CPS1: variants seen among roughly 807,000 people sequenced by gnomAD.
CPS1 encodes carbamoyl-phosphate synthase 1.
Under a neutral mutation model 174.6 loss-of-function variants are expected in CPS1, and 109 were observed. The ratio of observed to expected loss-of-function variants is 0.62; its 90% confidence interval spans 0.53 to 0.73. The LOEUF (loss-of-function observed/expected upper bound fraction) is 0.73, where lower values mean the gene tolerates loss of function less well. Among genes scored for constraint, CPS1 ranks in the 30% least tolerant of loss-of-function variants. The probability of loss-of-function intolerance (pLI) is 0.00; values close to 1 mark genes in which losing one functional copy is unlikely to be tolerated. For synonymous variants in CPS1, 637 were observed against 632.0 expected (o/e 1.01, Z -0.12); for missense variants, 1,689 against 1,821.9 (o/e 0.93, Z 1.33).
chr2:210,592,722 G>A (rs1034390907), intron 10 of CPS1, among the ~76,000 whole-genome samples, 157 bp from the exon 11 acceptor site: 3 of 151,768 alleles, frequency 2.0e-5, no homozygotes, highest in East Asian at 2.0e-4. Flanking sequence ...TTAAGATATC[G>A]GACCATGTTA....
upstream of CPS1, chr2:210,555,581 C>T: frequency 4.4e-6 from 2 of 454,806 alleles, no homozygotes; most frequent in Non-Finnish European, 8.8e-6. Flanking sequence ...AACTCTAGCA[C>T]TGATTCTATG....
chr2:210,669,327 G>A (rs1439069629), intron 34 of CPS1, among the ~76,000 whole-genome samples: 1 of 152,004 alleles, frequency 6.6e-6, no homozygotes, highest in Non-Finnish European at 1.5e-5. Flanking sequence ...CTTCCCAACT[G>A]GTCATTCATT....
Position 210,556,655 on chromosome 2 carries a change from T to G in CPS1, c.-79T>G. 1.3e-6 allele frequency: 2 copies of G among 1,592,518 alleles called. No individual in the cohort carries two copies. Among genetic ancestry groups the G allele is most frequent in the Non-Finnish European group, 1.7e-6 (2 of 1,168,934 alleles). ...GACTGCACCCCTCCCAGATTTCTTT[T>G]ACATTAACTAAAAAGTCTTATCACA... On this transcript the variant is annotated 5_prime_UTR_variant, in exon 1 of 38. Transcript: ENST00000233072.
intron 6 of CPS1, among the ~76,000 whole-genome samples, chr2:210,585,117 T>C (rs964242281): frequency 5.9e-5 from 9 of 152,044 alleles, no homozygotes; most frequent in African/African-American, 2.2e-4. Context: ...ATTGTCTCTT[T>C]CACTTGTCTT....
At chr2:210,549,963 A>AT (rs1384305074) in intron 1 of CPS1, among the ~76,000 whole-genome samples, 2 of 152,050 alleles carry the variant, frequency 1.3e-5, no homozygotes, top group African/African-American at 4.8e-5. Context: ...TCTGGAATAC[A>AT]TAACTTCAAG....
At chr2:210,498,676 T>G (rs1695066582) in intron 1 of CPS1, among the ~76,000 whole-genome samples, 1 of 152,164 alleles carries the variant, frequency 6.6e-6, no homozygotes, top group African/African-American at 2.4e-5. Context: ...GAGATCTATC[T>G]AGGCATGGAG....
intron 1 of CPS1, among the ~76,000 whole-genome samples, chr2:210,506,677 C>A (rs1029430457): frequency 6.6e-6 from 1 of 152,110 alleles, no homozygotes; most frequent in Non-Finnish European, 1.5e-5. Context: ...CAAAGAAGTC[C>A]TTAAAGGACC....
chr2:210,518,008 G>A (rs577935292), intron 1 of CPS1, among the ~76,000 whole-genome samples: 1 of 151,936 alleles, frequency 6.6e-6, no homozygotes, highest in Non-Finnish European at 1.5e-5. Context: ...AAACTGATTA[G>A]TAGCAGTAGA....
At chr2:210,668,163 A>T in intron 33 of CPS1, 23 bp from the exon 34 acceptor site, 1 of 1,579,758 alleles carries the variant, frequency 6.3e-7, no homozygotes, top group Non-Finnish European at 8.7e-7. Flanking sequence ...CTCTATTTTA[A>T]TTTTTTATTT....
chr2:210,526,991 A>AG (rs1695989755), intron 1 of CPS1, among the ~76,000 whole-genome samples: 1 of 151,950 alleles, frequency 6.6e-6, no homozygotes, highest in South Asian at 2.1e-4. Flanking sequence ...TTGGTGCAAA[A>AG]ATAATTGTTT....
At chr2:210,631,082 C>G (rs557810208) in intron 21 of CPS1, 1 of 150,148 alleles carries the variant, frequency 6.7e-6, no homozygotes, top group Non-Finnish European at 1.5e-5. Flanking sequence ...TAATTGTAGG[C>G]CAGGTGGAGT....
At chr2:210,649,869 C>T (rs1700507379) in intron 27 of CPS1, among the ~76,000 whole-genome samples, 2 of 152,068 alleles carry the variant, frequency 1.3e-5, no homozygotes, top group Admixed American at 1.3e-4. Context: ...ATTGTATTAG[C>T]AAATATTACT....
In CPS1 at chr2:210,576,423, G is replaced by A. The variant is rs1453657494; in HGVS notation, c.314G>A (p.Gly105Glu). ...GCCAACCCTATTATTGGGAATGGTG[G>A]AGCTCCTGATACTACTGCTCTGGAT... Reference protein sequence around the residue: ...TMANPIIGNGGAPDTTALDEL... With the variant: ...TMANPIIGNGEAPDTTALDEL... Residue 105 changes from glycine (G) to glutamate (E), a missense_variant, in exon 3 of 38, where the codon GGA (glycine) becomes GAA (glutamate). Coordinates refer to ENST00000233072, the MANE Select transcript of CPS1 (RefSeq NM_001875.5). The A allele has an allele frequency of 6.2e-7, 1 of 1,613,614 alleles. No homozygotes were observed. Among genetic ancestry groups the A allele is most frequent in the Non-Finnish European group, 8.5e-7 (1 of 1,179,742 alleles).
chr2:210,575,382 A>G (rs1268356036), intron 2 of CPS1, among the ~76,000 whole-genome samples: 1 of 152,070 alleles, frequency 6.6e-6, no homozygotes, highest in Admixed American at 6.6e-5. Context: ...GAGCAGGAAA[A>G]AAACCTCAAT....
intron 21 of CPS1, among the ~76,000 whole-genome samples, chr2:210,625,223 T>G (rs1376901054): frequency 6.6e-6 from 1 of 152,062 alleles, no homozygotes; most frequent in Non-Finnish European, 1.5e-5. Context: ...CATTATTTAT[T>G]GGGTATCTAC....
chr2:210,531,679 G>A (rs574600725), intron 1 of CPS1, among the ~76,000 whole-genome samples: 1 of 152,098 alleles, frequency 6.6e-6, no homozygotes, highest in African/African-American at 2.4e-5. Context: ...GATGTGCTTA[G>A]ATTATTTACA....
chr2:210,576,874 A>G (rs1298978581), intron 3 of CPS1, among the ~76,000 whole-genome samples: 3 of 152,174 alleles, frequency 2.0e-5, no homozygotes, highest in African/African-American at 7.2e-5. Flanking sequence ...GATAGCTTTT[A>G]TGCCAGTCTA....
intron 1 of CPS1, among the ~76,000 whole-genome samples, chr2:210,500,421 G>C (rs1036815504): frequency 1.3e-5 from 2 of 152,164 alleles, no homozygotes; most frequent in African/African-American, 4.8e-5. Context: ...TCTGCCTATA[G>C]GGCTATAAAA....
At chr2:210,605,036 C>T in intron 16 of CPS1, 66 bp from the exon 17 acceptor site, 1 of 1,584,386 alleles carries the variant, frequency 6.3e-7, no homozygotes, top group Non-Finnish European at 8.6e-7. Context: ...GGGTATTTTG[C>T]CAAATATCCT....
Sources: allele counts gnomAD v4.1 joint callset (sites outside exome capture counted in the v4.1 genomes callset), GRCh38; gene constraint gnomAD v4.1.1; transcripts MANE v1.5; gene names NCBI Gene and HGNC (gene_info 2026-07-23, HGNC 2026-07-21).